GLS2: variants seen among roughly 807,000 people sequenced by gnomAD.
GLS2 encodes glutaminase liver isoform, mitochondrial.
Under a neutral mutation model 79.0 loss-of-function variants are expected in GLS2, and 52 were observed. The ratio of observed to expected loss-of-function variants is 0.66; its 90% CI spans 0.53 to 0.83. The LOEUF is 0.83. GLS2 is among the 40% of genes least tolerant of loss of function. The pLI is 0.00. For synonymous variants in GLS2, 238 were observed against 280.8 expected (o/e 0.85, Z 1.52); for missense variants, 561 against 764.8 (o/e 0.73, Z 3.14).
intron 12 of GLS2, chr12:56,474,288 C>T: frequency 2.2e-6 from 1 of 459,074 alleles, no homozygotes; most frequent in Non-Finnish European, 4.0e-6. Context: ...GGGGTTTCAC[C>T]ATGTAGGTCA....
In GLS2 at chr12:56,478,188, A is replaced by G; in HGVS notation, c.609T>C (p.Gly203=). Residue 203 remains glycine (G), a synonymous_variant, in exon 5 of 18, where the codon GGT becomes GGC. Coordinates refer to ENST00000311966, the MANE Select transcript of GLS2 (RefSeq NM_013267.4). ...LWGVSLCTVD[G]QRHSVGHTKI... is the part of the protein sequence containing the mutation. ...CCTCTTGCCCAGCATCTCACCGTTG[A>G]CCATCCACAGTGCACAGGGAGACAC... 1 of 1,614,206 alleles carries G rather than the reference A, an allele frequency of 6.2e-7. No individual in the cohort carries two copies. The highest frequency in any genetic ancestry group is 8.5e-7 in the Non-Finnish European group (1 of 1,180,034).
intron 1 of GLS2, chr12:56,487,595 G>A: frequency 2.6e-6 from 1 of 380,308 alleles, no homozygotes; most frequent in Non-Finnish European, 4.8e-6. Flanking sequence ...ATACACACGA[G>A]GACTAGGGAA....
rs139187356 is a variant in GLS2, at chr12:56,474,515, A to G, written c.1224+29T>C. 2.9e-4 allele frequency: 470 copies of G among 1,612,412 alleles called. 6 individuals carry two copies. The East Asian group carries it at 7.4e-3, about 26-fold the overall frequency. On this transcript the variant is annotated intron_variant, in intron 12 of 17. Transcript: ENST00000311966. ...CTCTCTTCTTAGCACTGGGCTCATG[A>G]CAGATGGATAGCAGAGCCAGAAACT... is the stretch of plus-strand genomic sequence containing the variant.
In GLS2 at chr12:56,475,931, G is replaced by GC; in HGVS notation, c.870+13dup. 1.9e-6 allele frequency: 3 copies of GC among 1,613,766 alleles called. No homozygotes were observed. The highest frequency in any genetic ancestry group is 2.5e-6 in the Non-Finnish European group (3 of 1,179,856). On this transcript the variant is annotated intron_variant, in intron 8 of 17. Transcript: ENST00000311966. ...GCGAAATGCAGCCAGGGGCTAAGTA[G>GC]CAAGGGAACTTACAAAATCAAACTT...
intron 7 of GLS2, 31 bp from the exon 8 acceptor site, chr12:56,476,008 T>C: frequency 6.2e-7 from 1 of 1,608,416 alleles, no homozygotes; most frequent in Non-Finnish European, 8.5e-7. Flanking sequence ...GTCAGCATTC[T>C]AAGTGTAGGA....
intron 15 of GLS2, 49 bp downstream of exon 15, chr12:56,472,641 C>A (rs936011017): frequency 2.6e-6 from 4 of 1,539,756 alleles, no homozygotes; most frequent in South Asian, 1.1e-5. Flanking sequence ...CTAGTAAAAT[C>A]TCTGACCAGG....
intron 1 of GLS2, among the ~76,000 whole-genome samples, chr12:56,484,666 G>C (rs2136195841): frequency 6.6e-6 from 1 of 152,252 alleles, no homozygotes; most frequent in East Asian, 1.9e-4. Context: ...GCCAACAGAA[G>C]ACAGGAAATA....
chr12:56,478,986 GA>G (rs34646954), intron 4 of GLS2, 65 bp downstream of exon 4: 187,919 of 1,320,388 alleles, frequency 0.14, 334 homozygotes, highest in African/African-American at 0.17. Flanking sequence ...TCTGTCTCAG[GA>G]AAAAAAAAAA....
intron 15 of GLS2, chr12:56,472,402 A>G: frequency 1.6e-6 from 1 of 610,062 alleles, no homozygotes. Context: ...CCTTCCAGAA[A>G]TATCACTCAC....
At chr12:56,486,931 C>A (rs1276512963) in intron 1 of GLS2, among the ~76,000 whole-genome samples, 2 of 61,988 alleles carry the variant, frequency 3.2e-5, no homozygotes, top group East Asian at 6.7e-4. Context: ...TCCCTTACGA[C>A]AGAGACTCGA....
intron 14 of GLS2, 151 bp downstream of exon 14, chr12:56,473,077 G>T (rs1869452687): frequency 5.7e-6 from 4 of 705,968 alleles, no homozygotes; most frequent in Non-Finnish European, 9.4e-6. Flanking sequence ...TTTCAATAGA[G>T]ACCAGGTTTC....
chr12:56,473,211 C>T lies in GLS2; in HGVS notation c.1449+17G>A. The stretch of plus-strand genomic sequence containing the variant: ...GCCTTTGAAATATTCTTACAAGCCA[C>T]CTGGAGTTTTCCTTACCCGAATTTC... On this transcript the variant is annotated intron_variant, in intron 14 of 17. Transcript: ENST00000311966. 5.0e-6 allele frequency: 8 copies of T among 1,611,662 alleles called. No individual in the cohort carries two copies. Among genetic ancestry groups the T allele is most frequent in the Non-Finnish European group, 6.8e-6 (8 of 1,177,812 alleles).
chr12:56,477,881 A>G, intron 6 of GLS2, 52 bp downstream of exon 6: 1 of 1,581,662 alleles, frequency 6.3e-7, no homozygotes, highest in Non-Finnish European at 8.6e-7. Flanking sequence ...TGGGGTGGGG[A>G]TAAGGAGAAG....
chr12:56,478,346 G>GCTTTT, intron 4 of GLS2, 84 bp from the exon 5 acceptor site: 1 of 1,434,476 alleles, frequency 7.0e-7, no homozygotes, highest in Non-Finnish European at 9.7e-7. Context: ...GAATCTTTTA[G>GCTTTT]ATAAAAGCTA....
chr12:56,481,448 C>T (rs898227405), intron 1 of GLS2, among the ~76,000 whole-genome samples: 4 of 150,674 alleles, frequency 2.7e-5, no homozygotes, highest in Admixed American at 6.6e-5. Flanking sequence ...CCTCGTGATC[C>T]GCCTGCCTCA....
At chr12:56,476,165 C>CTTT in intron 7 of GLS2, 188 bp from the exon 8 acceptor site, 1 of 531,288 alleles carries the variant, frequency 1.9e-6, no homozygotes, top group Admixed American at 3.3e-5. Flanking sequence ...CTTTCTCTTT[C>CTTT]TTTTTTTTGA....
chr12:56,479,111 C>A lies in GLS2; in HGVS notation c.475G>T (p.Glu159Ter). 6.2e-7 allele frequency: 1 copy of A among 1,614,046 alleles called. No individual in the cohort carries two copies. Among genetic ancestry groups the A allele is most frequent in the Middle Eastern group, 1.6e-4 (1 of 6,062 alleles). ...RKKFVIPDFE[E>*]FTGHVDRIFE... Reference sequence around the variant, plus strand: ...ATGCGATCCACATGGCCCGTGAACTCCTCAAAATCAGGAATGACAAACTTC... The same window carrying A: ...ATGCGATCCACATGGCCCGTGAACTACTCAAAATCAGGAATGACAAACTTC... The change falls in exon 4 of 18, where the codon GAG becomes TAG. Residue 159 changes from glutamate to a stop codon, truncating the protein, a stop_gained. Transcript: ENST00000311966. LOFTEE classifies it high-confidence loss of function.
In GLS2 at chr12:56,474,345, T is replaced by C. The variant is rs1869595988; in HGVS notation, c.1224+199A>G. The C allele has an allele frequency of 6.2e-6, 4 of 642,682 alleles. No homozygotes were observed. The South Asian group carries it at 7.8e-5, about 12-fold the overall frequency. 39.8% of individuals were successfully genotyped at this position (642,682 alleles called of 1,614,324 possible). A position where few individuals can be genotyped will look rare whatever the true frequency, so the allele number is the denominator to read the frequency against. On this transcript the variant is annotated intron_variant, in intron 12 of 17. Transcript: ENST00000311966. ...CTCAGGTGATCCACCTGCCTCGGCC[T>C]CCCAAAGACATCTCTTTATATATTC...
Position 56,473,598 on chromosome 12 carries a change from G to A in GLS2, c.1225-4C>T, listed in dbSNP as rs1033201016. 2.5e-6 allele frequency: 4 copies of A among 1,609,146 alleles called. No individual in the cohort carries two copies. On this transcript the variant is annotated splice_region_variant and splice_polypyrimidine_tract_variant and intron_variant, in intron 12 of 17. Transcript: ENST00000311966. ...CTGACTTGGCTGGCAGGCCCACCTG[G>A]GGAACAGAACTGAAGCTGAGGATAA...
Sources: gnomAD v4.1 joint callset for allele counts (sites outside exome capture counted in the v4.1 genomes callset) on GRCh38, gnomAD v4.1.1 for gene constraint, MANE v1.5 for transcripts, NCBI Gene and HGNC (gene_info 2026-07-23, HGNC 2026-07-21) for gene names.